The following VOPP1 variants were observed in gnomAD, a reference collection of about 807,000 sequenced individuals.
VOPP1 encodes the protein VOPP1 WW domain binding protein, also known as WW domain binding protein VOPP1.
A neutral mutation model predicts 23.5 loss-of-function variants in VOPP1; 8 were observed. The ratio of observed to expected loss-of-function variants is 0.34; its 90% CI spans 0.20 to 0.61. VOPP1 has a LOEUF of 0.61. Among genes scored for constraint, VOPP1 ranks in the 20% least tolerant of loss-of-function variants. VOPP1 has a pLI of 0.78. For synonymous variants in VOPP1, 83 were observed against 97.3 expected (o/e 0.85, Z 0.86); for missense variants, 174 against 238.1 (o/e 0.73, Z 1.77).
intron 1 of VOPP1, among the ~76,000 whole-genome samples, chr7:55,564,360 C>T (rs1327361625): frequency 3.3e-5 from 5 of 151,702 alleles, no homozygotes; most frequent in Admixed American, 3.3e-4. Context: ...ATGTTTTGGC[C>T]CTTGATGACA....
intron 2 of VOPP1, among the ~76,000 whole-genome samples, chr7:55,501,229 T>C (rs1405102478): frequency 2.6e-5 from 4 of 152,152 alleles, no homozygotes; most frequent in Non-Finnish European, 5.9e-5. Context: ...CATAGAGACA[T>C]ATAATAAAGA....
rs904221668 is a variant in VOPP1, at chr7:55,554,559, G to C, written c.54+17712C>G. ...GAGAGGCACATTCTAGAAACTTTGAGTAAAAAATTGCAGAACTTGGGTTGC... is the reference window on the plus strand; with the variant it reads ...GAGAGGCACATTCTAGAAACTTTGACTAAAAAATTGCAGAACTTGGGTTGC... On this transcript the variant is annotated intron_variant, in intron 1 of 4. Coordinates refer to ENST00000285279, the MANE Select transcript of VOPP1 (RefSeq NM_030796.5). 2.6e-5 allele frequency among the ~76,000 whole-genome samples: 4 copies of C among 152,192 alleles called. No individual in the cohort carries two copies. In the East Asian group the frequency reaches 7.7e-4, roughly 29 times the overall value.
At chr7:55,513,884 C>T (rs1243278831) in intron 2 of VOPP1, among the ~76,000 whole-genome samples, 1 of 152,226 alleles carries the variant, frequency 6.6e-6, no homozygotes, top group African/African-American at 2.4e-5. Flanking sequence ...AGATTCATTT[C>T]AATTCACAGT....
chr7:55,479,814 C>T (rs78922623), intron 4 of VOPP1, among the ~76,000 whole-genome samples: 1,883 of 152,284 alleles, frequency 0.012, 49 homozygotes, highest in African/African-American at 0.043. Flanking sequence ...AGGCTTGAGC[C>T]TGGAACCCAG....
intron 4 of VOPP1, among the ~76,000 whole-genome samples, chr7:55,446,112 A>C (rs1791094596): frequency 6.6e-6 from 1 of 150,820 alleles, no homozygotes; most frequent in African/African-American, 2.4e-5. Context: ...CCTGCCTCAG[A>C]CTCCCAAGTA....
intron 1 of VOPP1, among the ~76,000 whole-genome samples, chr7:55,548,186 C>T (rs1272452294): frequency 6.6e-6 from 1 of 152,248 alleles, no homozygotes; most frequent in Non-Finnish European, 1.5e-5. Context: ...TTGTATTCTA[C>T]TCCATTATAT....
intron 1 of VOPP1, among the ~76,000 whole-genome samples, chr7:55,535,454 G>A (rs1324604017): frequency 6.6e-6 from 1 of 152,168 alleles, no homozygotes; most frequent in East Asian, 1.9e-4. Flanking sequence ...CCCAGGGAGT[G>A]TCCTTCTGGC....
chr7:55,557,854 C>G (rs1372773055), intron 1 of VOPP1, among the ~76,000 whole-genome samples: 1 of 152,046 alleles, frequency 6.6e-6, no homozygotes, highest in Admixed American at 6.5e-5. Context: ...AACTCAGGCC[C>G]GGGGCCTCCA....
At chr7:55,480,428 AT>A (rs1792621314) in intron 4 of VOPP1, among the ~76,000 whole-genome samples, 1 of 152,100 alleles carries the variant, frequency 6.6e-6, no homozygotes, top group South Asian at 2.1e-4. Context: ...TTATGCTTTT[AT>A]TTTTGTGTTC....
chr7:55,520,958 C>T, intron 2 of VOPP1, 114 bp downstream of exon 2: 2 of 1,123,940 alleles, frequency 1.8e-6, no homozygotes, highest in South Asian at 3.0e-5. Flanking sequence ...GGCACCGCAG[C>T]AGAGGCTGGG....
At chr7:55,510,835 T>C (rs7458337) in intron 2 of VOPP1, among the ~76,000 whole-genome samples, 1 of 152,202 alleles carries the variant, frequency 6.6e-6, no homozygotes, top group South Asian at 2.1e-4. Flanking sequence ...CATGCTCCCA[T>C]GCCTGCACTC....
chr7:55,518,294 C>T (rs1795603196), intron 2 of VOPP1, among the ~76,000 whole-genome samples: 2 of 152,220 alleles, frequency 1.3e-5, no homozygotes, highest in African/African-American at 4.8e-5. Flanking sequence ...CTTCATGCTA[C>T]TGCACGGGTC....
chr7:55,538,741 T>A, intron 1 of VOPP1: 3 of 1,304,106 alleles, frequency 2.3e-6, no homozygotes, highest in South Asian at 2.6e-5. Context: ...GCCATTCCTA[T>A]AAAGGAACGC....
intron 4 of VOPP1, among the ~76,000 whole-genome samples, chr7:55,455,176 G>A (rs1476087748): frequency 3.9e-5 from 6 of 152,152 alleles, no homozygotes; most frequent in Non-Finnish European, 7.3e-5. Flanking sequence ...GACAAACAGA[G>A]AGCCATATCA....
chr7:55,439,270 G>A (rs1583780427), intron 4 of VOPP1, among the ~76,000 whole-genome samples: 1 of 152,124 alleles, frequency 6.6e-6, no homozygotes, highest in Non-Finnish European at 1.5e-5. Context: ...CTGAGGTAGG[G>A]AGACAAGAGT....
chr7:55,473,934 C>A (rs1792036239), intron 4 of VOPP1, among the ~76,000 whole-genome samples: 1 of 151,966 alleles, frequency 6.6e-6, no homozygotes, highest in Non-Finnish European at 1.5e-5. Flanking sequence ...TTGCAATTCT[C>A]CCCCTGACAC....
At chr7:55,565,487 T>C (rs913901398) in intron 1 of VOPP1, among the ~76,000 whole-genome samples, 6 of 152,220 alleles carry the variant, frequency 3.9e-5, no homozygotes, top group African/African-American at 1.4e-4. Flanking sequence ...AACAGGAGTA[T>C]AATCAAATCG....
intron 4 of VOPP1, among the ~76,000 whole-genome samples, chr7:55,488,544 G>A (rs535464093): frequency 6.6e-6 from 1 of 152,112 alleles, no homozygotes; most frequent in Non-Finnish European, 1.5e-5. Context: ...CCACAATGCT[G>A]CCAATTTCCT....
intron 4 of VOPP1, among the ~76,000 whole-genome samples, chr7:55,490,026 G>C (rs936909208): frequency 1.3e-5 from 2 of 152,050 alleles, no homozygotes; most frequent in Non-Finnish European, 2.9e-5. Flanking sequence ...ACTAGAGAGA[G>C]GAGGTCGCTC....
Sources: gnomAD v4.1 joint callset for allele counts (sites outside exome capture counted in the v4.1 genomes callset) on GRCh38, gnomAD v4.1.1 for gene constraint, MANE v1.5 for transcripts, NCBI Gene and HGNC (gene_info 2026-07-23, HGNC 2026-07-21) for gene names.